CBLB: variants seen among roughly 807,000 people sequenced by gnomAD.
The protein encoded by CBLB is E3 ubiquitin-protein ligase CBL-B.
Under a neutral mutation model 104.9 loss-of-function variants are expected in CBLB, and 31 were observed. The observed-to-expected ratio is 0.30, with a 90% CI of 0.22 to 0.40. CBLB has a LOEUF of 0.40. CBLB is among the 10% of genes least tolerant of loss of function. The pLI is 1.00. For synonymous variants in CBLB, 440 were observed against 422.6 expected (o/e 1.04, Z -0.51); for missense variants, 1,062 against 1,214.6 (o/e 0.87, Z 1.87).
At chr3:105,750,997 G>A (rs2076545889) in intron 5 of CBLB, among the ~76,000 whole-genome samples, 1 of 152,204 alleles carries the variant, frequency 6.6e-6, no homozygotes, top group Non-Finnish European at 1.5e-5. Context: ...ACAGGACACA[G>A]TTCTGTCCTA....
intron 4 of CBLB, among the ~76,000 whole-genome samples, chr3:105,757,670 A>G (rs1047646039): frequency 6.6e-6 from 1 of 152,206 alleles, no homozygotes; most frequent in Admixed American, 6.5e-5. Context: ...AAAATCTAAG[A>G]CTAAAAATCA....
At chr3:105,868,069 A>G in intron 1 of CBLB, 1 of 516,668 alleles carries the variant, frequency 1.9e-6, no homozygotes, top group Non-Finnish European at 3.2e-6. Context: ...TTACATAAAC[A>G]TAAAGATTAT....
intron 2 of CBLB, among the ~76,000 whole-genome samples, chr3:105,857,402 A>C (rs1268024444): frequency 2.0e-5 from 3 of 151,064 alleles, no homozygotes; most frequent in Non-Finnish European, 2.9e-5. Flanking sequence ...AAAGAGATGC[A>C]AAGAGTCTGG....
At chr3:105,811,720 T>G (rs756746397) in intron 3 of CBLB, among the ~76,000 whole-genome samples, 12 of 152,348 alleles carry the variant, frequency 7.9e-5, no homozygotes, top group South Asian at 2.1e-4. Flanking sequence ...CTTCCTTTTT[T>G]TTTTTTGAGA....
At chr3:105,771,841 A>T (rs1043297078) in intron 4 of CBLB, among the ~76,000 whole-genome samples, 1 of 152,208 alleles carries the variant, frequency 6.6e-6, no homozygotes, top group African/African-American at 2.4e-5. Flanking sequence ...GAGGTGAAAG[A>T]TCTCTAGAAG....
chr3:105,776,477 G>T lies in CBLB; in HGVS notation c.485C>A (p.Pro162His), dbSNP rs373239378. ...GTTATCTCCCTGGAATTGACCATTG[G>T]GAAAGATTGCTTTGATTTCTGCCAG... ...HMLAEIKAIFPNGQFQGDNFR... is the reference protein window; with the variant it reads ...HMLAEIKAIFHNGQFQGDNFR... The change falls in exon 4 of 19, where the codon CCC (proline) becomes CAC (histidine). Residue 162 changes from proline to histidine, a missense_variant. Transcript: ENST00000394030. 3.3e-5 allele frequency: 53 copies of T among 1,613,618 alleles called. No individual in the cohort carries two copies. Among genetic ancestry groups the T allele is most frequent in the Non-Finnish European group, 4.4e-5 (52 of 1,179,830 alleles).
At chr3:105,663,262 A>G (rs2064008271) in intron 18 of CBLB, among the ~76,000 whole-genome samples, 1 of 152,240 alleles carries the variant, frequency 6.6e-6, no homozygotes, top group Admixed American at 6.5e-5. Flanking sequence ...GGAAGAACCT[A>G]GAAATGATAA....
At chr3:105,732,714 G>C (rs530626429) in intron 9 of CBLB, among the ~76,000 whole-genome samples, 1 of 151,912 alleles carries the variant, frequency 6.6e-6, no homozygotes, top group African/African-American at 2.4e-5. Flanking sequence ...TAAGGAGCTC[G>C]GCAGGCATCA....
At chr3:105,841,454 A>T (rs2089531403) in intron 3 of CBLB, among the ~76,000 whole-genome samples, 1 of 151,500 alleles carries the variant, frequency 6.6e-6, no homozygotes, top group Non-Finnish European at 1.5e-5. Context: ...AGAAACCAAG[A>T]TATATATATA....
intron 17 of CBLB, among the ~76,000 whole-genome samples, chr3:105,676,799 G>A (rs1204411912): frequency 6.6e-6 from 1 of 152,190 alleles, no homozygotes; most frequent in African/African-American, 2.4e-5. Context: ...GGAGATGACT[G>A]GATCATGGGG....
intron 6 of CBLB, among the ~76,000 whole-genome samples, chr3:105,743,572 T>C (rs1576800603): frequency 6.6e-6 from 1 of 151,962 alleles, no homozygotes; most frequent in Admixed American, 6.6e-5. Context: ...AATGAATACT[T>C]CACTTAGATT....
chr3:105,674,284 A>G (rs562528673), intron 17 of CBLB, among the ~76,000 whole-genome samples: 1 of 152,358 alleles, frequency 6.6e-6, no homozygotes, highest in East Asian at 1.9e-4. Flanking sequence ...GATGCTTTAT[A>G]AAGATTGTAG....
intron 18 of CBLB, among the ~76,000 whole-genome samples, chr3:105,665,425 A>ATC (rs1399523665): frequency 1.0e-5 from 1 of 98,160 alleles, no homozygotes; most frequent in African/African-American, 3.7e-5. Flanking sequence ...AAATATATAT[A>ATC]TATATATATA....
chr3:105,748,664 G>A (rs145640201), intron 5 of CBLB, among the ~76,000 whole-genome samples: 11 of 152,218 alleles, frequency 7.2e-5, no homozygotes, highest in African/African-American at 2.6e-4. Flanking sequence ...AGGAAAGAAG[G>A]AAGAAGAGGA....
chr3:105,749,907 A>C (rs1426402272), intron 5 of CBLB: 1 of 161,040 alleles, frequency 6.2e-6, no homozygotes, highest in Non-Finnish European at 1.4e-5. Flanking sequence ...CGAATTTAAA[A>C]AATTTAAAAT....
chr3:105,702,570 C>T (rs532207575), intron 11 of CBLB, 111 bp from the exon 12 acceptor site: 7 of 1,179,302 alleles, frequency 5.9e-6, no homozygotes, highest in Admixed American at 2.8e-5. Flanking sequence ...CTAAGCCAAA[C>T]AAGGAGTTTT....
At chr3:105,714,764 C>T (rs1009904933) in intron 10 of CBLB, among the ~76,000 whole-genome samples, 30 of 152,122 alleles carry the variant, frequency 2.0e-4, no homozygotes, top group African/African-American at 6.5e-4. Context: ...GCTATAGAGA[C>T]GTTCTTCACA....
chr3:105,739,802 C>G (rs1361061486), intron 7 of CBLB, among the ~76,000 whole-genome samples: 1 of 151,806 alleles, frequency 6.6e-6, no homozygotes, highest in Non-Finnish European at 1.5e-5. Context: ...CACTAACAAT[C>G]AAAATAAAAA....
intron 6 of CBLB, among the ~76,000 whole-genome samples, chr3:105,742,588 T>C (rs1342806483): frequency 6.6e-6 from 1 of 152,078 alleles, no homozygotes; most frequent in African/African-American, 2.4e-5. Flanking sequence ...GGCTATGATA[T>C]TATGAGAAGT....
Sources: allele counts gnomAD v4.1 joint callset (sites outside exome capture counted in the v4.1 genomes callset), GRCh38; gene constraint gnomAD v4.1.1; transcripts MANE v1.5; gene names NCBI Gene and HGNC (gene_info 2026-07-23, HGNC 2026-07-21).